The following DISC1 variants were observed in gnomAD, a reference collection of about 807,000 sequenced individuals.
DISC1 encodes disrupted in schizophrenia 1 protein.
In DISC1, 57 loss-of-function variants were observed where a neutral mutation model predicts 84.5. That is an observed-to-expected ratio of 0.67 (90% confidence interval 0.55 to 0.84). The LOEUF (loss-of-function observed/expected upper bound fraction) is 0.84. Ranked by LOEUF, DISC1 falls within the 40% of genes least tolerant of loss-of-function variation. The pLI is 0.00. For synonymous variants in DISC1, 411 were observed against 415.2 expected (o/e 0.99, Z 0.12); for missense variants, 1,000 against 1,057.8 (o/e 0.95, Z 0.76).
chr1:232,026,682 C>G lies in DISC1; in HGVS notation c.2425+130C>G, dbSNP rs532245147. On this transcript the variant is annotated intron_variant, in intron 12 of 12. Transcript: ENST00000439617. Reference sequence around the variant, plus strand: ...TGCCGTTATTTATAGCACAGAGCACCTCAGATCTCTGAGATTATCAGGTAT... The same window carrying G: ...TGCCGTTATTTATAGCACAGAGCACGTCAGATCTCTGAGATTATCAGGTAT... The G allele has an allele frequency of 1.6e-5, 11 of 679,918 alleles. 1 individual carries two copies. In the South Asian group the frequency reaches 1.8e-4, roughly 11 times the overall value. 42.1% of individuals were successfully genotyped at this position (679,918 alleles called of 1,614,324 possible).
rs148167568 is a variant in DISC1 at position 231,931,817 on chromosome 1, A to T, written c.1982-27011A>T. On this transcript the variant is annotated intron_variant, in intron 9 of 12. Coordinates refer to ENST00000439617, the MANE Select transcript of DISC1 (RefSeq NM_018662.3). The stretch of plus-strand genomic sequence containing the variant: ...GCGTGTGCTACCATGCCAGATAATT[A>T]AAAAAAATTTTTTTTTTATAGACAA... Among the ~76,000 whole-genome samples the T allele has an allele frequency of 2.0e-3, 307 of 150,694 alleles. 2 individuals are homozygous for T. The highest frequency in any genetic ancestry group is 7.1e-3 in the African/African-American group (293 of 41,236).
chr1:231,930,126 A>T (rs968829175), intron 9 of DISC1, among the ~76,000 whole-genome samples: 1 of 152,212 alleles, frequency 6.6e-6, no homozygotes, highest in Non-Finnish European at 1.5e-5. Context: ...AAAGAAAAGC[A>T]TTTATTTAAT....
At chr1:231,761,816 G>T (rs1183062547) in intron 4 of DISC1, among the ~76,000 whole-genome samples, 1 of 152,174 alleles carries the variant, frequency 6.6e-6, no homozygotes, top group East Asian at 1.9e-4. Flanking sequence ...CTAGGACACA[G>T]ACTCATTGAA....
chr1:231,991,486 GACTCAATGGAGCTCTTGT>G (rs1427539456), intron 10 of DISC1, among the ~76,000 whole-genome samples: 1 of 152,126 alleles, frequency 6.6e-6, no homozygotes, highest in African/African-American at 2.4e-5. Context: ...TAGTTCTCAA[GACTCAATGGAGCTCTTGT>G]ACTTCTGAAG....
At chr1:232,019,449 T>C (rs1668754120) in intron 11 of DISC1, among the ~76,000 whole-genome samples, 1 of 152,232 alleles carries the variant, frequency 6.6e-6, no homozygotes, top group African/African-American at 2.4e-5. Flanking sequence ...GAGCAACCTG[T>C]ACTTTAAATG....
rs571495753 is a variant in DISC1 at position 232,018,491 on chromosome 1, A to G, written c.2308-7944A>G. 7.2e-5 allele frequency among the ~76,000 whole-genome samples: 11 copies of G among 152,334 alleles called. No individual in the cohort carries two copies. In the East Asian group the frequency reaches 2.1e-3, roughly 29 times the overall value. On this transcript the variant is annotated intron_variant, in intron 11 of 12. Coordinates refer to ENST00000439617, the MANE Select transcript of DISC1 (RefSeq NM_018662.3). ...TTTTCTGGGTATACACTTTTATAGA[A>G]AAATGTTTTTTGAAAGTCACTTTAA...
chr1:231,962,520 G>A (rs1046504326), intron 10 of DISC1, among the ~76,000 whole-genome samples: 1 of 152,124 alleles, frequency 6.6e-6, no homozygotes, highest in Non-Finnish European at 1.5e-5. Flanking sequence ...AACAAAGCTG[G>A]AGGCAACACG....
intron 2 of DISC1, among the ~76,000 whole-genome samples, chr1:231,696,291 G>C (rs748293375): frequency 6.6e-6 from 1 of 152,134 alleles, no homozygotes; most frequent in Non-Finnish European, 1.5e-5. Context: ...CTCTTCTCCA[G>C]TTAATTAAAC....
At chr1:231,695,952 C>A (rs61051503) in intron 2 of DISC1, among the ~76,000 whole-genome samples, 6,633 of 152,230 alleles carry the variant, frequency 0.044, 465 homozygotes, top group African/African-American at 0.15. Flanking sequence ...GAGGTCAGAG[C>A]ACAGATGCAG....
chr1:231,799,818 A>G (rs528387876), intron 7 of DISC1, among the ~76,000 whole-genome samples: 1 of 143,704 alleles, frequency 7.0e-6, no homozygotes, highest in East Asian at 2.1e-4. Flanking sequence ...TCTTCTTCCT[A>G]CATTTCCCTC....
intron 9 of DISC1, among the ~76,000 whole-genome samples, chr1:231,932,721 C>T (rs2090741042): frequency 6.6e-6 from 1 of 152,186 alleles, no homozygotes; most frequent in Non-Finnish European, 1.5e-5. Context: ...TCTCCAGGAG[C>T]CAATCATTTA....
intron 9 of DISC1, among the ~76,000 whole-genome samples, chr1:231,936,916 C>T (rs1180707377): frequency 2.0e-5 from 3 of 152,168 alleles, no homozygotes; most frequent in African/African-American, 7.2e-5. Context: ...AAAAACTGAG[C>T]TTGAACTTCC....
At chr1:231,825,494 C>T (rs1372381860) in intron 9 of DISC1, among the ~76,000 whole-genome samples, 2 of 152,182 alleles carry the variant, frequency 1.3e-5, no homozygotes, top group Admixed American at 1.3e-4. Flanking sequence ...CACACACGCT[C>T]ATATAATGTC....
rs150083217 is a variant in DISC1, at chr1:231,849,648, C to G, written c.1981+31131C>G. ...ATCAAATGATCCTTTAGGTTCTTTC[C>G]AAGTGTATGATTTTAGGTCAAAGAC... On this transcript the variant is annotated intron_variant, in intron 9 of 12. Transcript: ENST00000439617. Among the ~76,000 whole-genome samples, 103 of 152,158 alleles carry G rather than the reference C, an allele frequency of 6.8e-4. No individual in the cohort carries two copies. In the East Asian group the frequency reaches 0.016, roughly 24 times the overall value.
rs112756017 is a variant in DISC1, at chr1:231,663,029, G to A, written c.68-30797G>A. Among the ~76,000 whole-genome samples the A allele has an allele frequency of 2.4e-3, 357 of 151,410 alleles. 5 individuals are homozygous for A. The highest frequency in any genetic ancestry group is 8.3e-3 in the African/African-American group (340 of 41,122). On this transcript the variant is annotated intron_variant, in intron 1 of 12. Coordinates refer to ENST00000439617, the MANE Select transcript of DISC1 (RefSeq NM_018662.3). ...CAAACAAGCAAACGAAAAACGTCCAGTCAAAAGCATAGATTGGCAGAATGA... is the reference window on the plus strand; with the variant it reads ...CAAACAAGCAAACGAAAAACGTCCAATCAAAAGCATAGATTGGCAGAATGA...
intron 3 of DISC1, among the ~76,000 whole-genome samples, chr1:231,745,229 TG>T (rs2073837714): frequency 6.6e-6 from 1 of 152,058 alleles, no homozygotes; most frequent in Non-Finnish European, 1.5e-5. Context: ...TTTATTTTCT[TG>T]TTTTTTTTTG....
chr1:231,918,718 CTT>C (rs1558732935), intron 9 of DISC1, among the ~76,000 whole-genome samples: 1 of 152,172 alleles, frequency 6.6e-6, no homozygotes, highest in Non-Finnish European at 1.5e-5. Flanking sequence ...TTTAGTGACT[CTT>C]TGCATGCTTG....
chr1:231,841,687 A>G (rs1308287106), intron 9 of DISC1, among the ~76,000 whole-genome samples: 1 of 152,234 alleles, frequency 6.6e-6, no homozygotes, highest in Non-Finnish European at 1.5e-5. Context: ...GGTGACACCC[A>G]TAAAAATCTT....
At chr1:231,697,496 GTGGTGTGATCAT>G in intron 2 of DISC1, among the ~76,000 whole-genome samples, 1 of 152,028 alleles carries the variant, frequency 6.6e-6, no homozygotes, top group Non-Finnish European at 1.5e-5. Context: ...CTGGGGTGCA[GTGGTGTGATCAT>G]AACTCACTGC....
Sources: allele counts gnomAD v4.1 joint callset (sites outside exome capture counted in the v4.1 genomes callset), GRCh38; gene constraint gnomAD v4.1.1; transcripts MANE v1.5; gene names NCBI Gene and HGNC (gene_info 2026-07-23, HGNC 2026-07-21).